The following PRH1 variants were observed in gnomAD, a reference collection of about 807,000 sequenced individuals.
PRH1 encodes the protein proline rich protein HaeIII subfamily 1, also known as salivary acidic proline-rich phosphoprotein 1/2.
PRH1 carries 7 observed loss-of-function variants against 7.9 expected under a neutral mutation model. The observed-to-expected ratio is 0.89, with a 90% CI of 0.50 to 1.67. The LOEUF (loss-of-function observed/expected upper bound fraction) is 1.67, where lower values mean the gene tolerates loss of function less well. Among genes scored for constraint, PRH1 ranks in the 40% most tolerant of loss-of-function variants. PRH1 has a pLI of 0.00. For missense variants in PRH1, 109 were observed against 223.6 expected (o/e 0.49, Z 3.27); for synonymous variants, 45 against 80.8 (o/e 0.56, Z 2.38).
chr12:10,965,820 A>G (rs759382117), intron 2 of PRH1, among the ~76,000 whole-genome samples: 23 of 152,258 alleles, frequency 1.5e-4, no homozygotes, highest in African/African-American at 4.8e-4. Flanking sequence ...GAGATTAGTT[A>G]TAACTAGGAT....
intron 1 of PRH1, among the ~76,000 whole-genome samples, chr12:11,066,228 T>G (rs1943805293): frequency 6.6e-6 from 1 of 152,166 alleles, no homozygotes; most frequent in East Asian, 1.9e-4. Flanking sequence ...ACTATAACTT[T>G]CGAACTCCAC....
chr12:10,984,369 T>C (rs972436974), intron 1 of PRH1, among the ~76,000 whole-genome samples: 4 of 152,174 alleles, frequency 2.6e-5, no homozygotes, highest in Admixed American at 2.0e-4. Context: ...ATACTTCTTC[T>C]TAGATAATTC....
rs541661646 is a variant in PRH1 at position 11,109,118 on chromosome 12, G to C, written n.124-61930C>G. ...CCACTGTAGCCAAACTGCCTCTCTA[G>C]ACTCTTCCTCTCTGGTCAGGGCATC... On this transcript the variant is annotated intron_variant and non_coding_transcript_variant, in intron 1 of 4. Coordinates refer to the PRH1 transcript ENST00000541977. Among the ~76,000 whole-genome samples the C allele has an allele frequency of 1.0e-3, 154 of 152,268 alleles. 1 individual carries two copies. The highest frequency in any genetic ancestry group is 3.6e-3 in the African/African-American group (150 of 41,556).
intron 1 of PRH1, among the ~76,000 whole-genome samples, chr12:10,883,835 G>C (rs1353923561): frequency 6.6e-6 from 1 of 152,124 alleles, no homozygotes; most frequent in African/African-American, 2.4e-5. Context: ...ATCAGTACAG[G>C]ATCTTCACAG....
intron 1 of PRH1, among the ~76,000 whole-genome samples, chr12:10,996,012 T>C (rs1349982693): frequency 6.6e-6 from 1 of 152,072 alleles, no homozygotes; most frequent in East Asian, 1.9e-4. Context: ...ACAATAATTG[T>C]ATTTGCTTTA....
intron 1 of PRH1, among the ~76,000 whole-genome samples, chr12:11,143,074 G>A (rs1479513803): frequency 6.6e-6 from 1 of 152,026 alleles, no homozygotes; most frequent in African/African-American, 2.4e-5. Context: ...TAAATGTGGT[G>A]TGTAAACCTC....
chr12:10,904,844 C>A lies in PRH1; in HGVS notation c.-58-20569G>T, dbSNP rs577691070. Among the ~76,000 whole-genome samples, 4 of 152,070 alleles carry A rather than the reference C, an allele frequency of 2.6e-5. No homozygotes were observed. In the South Asian group the frequency reaches 6.2e-4, roughly 24 times the overall value. Reference sequence around the variant, plus strand: ...AATTGAACAAGCAGAAAACAAATAACCCCTTTAAAAACGAGCAAAAGACAT... The same window carrying A: ...AATTGAACAAGCAGAAAACAAATAAACCCTTTAAAAACGAGCAAAAGACAT... On this transcript the variant is annotated intron_variant, in intron 2 of 3. Coordinates refer to the PRH1 transcript ENST00000539853.
At chr12:11,081,073 CA>C (rs200599730) in intron 1 of PRH1, among the ~76,000 whole-genome samples, 2,758 of 115,218 alleles carry the variant, frequency 0.024, 742 homozygotes, top group South Asian at 0.037. Flanking sequence ...CTCCTTGCAA[CA>C]TTTTGTTGCT....
intron 1 of PRH1, among the ~76,000 whole-genome samples, chr12:11,007,677 T>C (rs1287855676): frequency 1.3e-5 from 2 of 152,090 alleles, no homozygotes; most frequent in Non-Finnish European, 2.9e-5. Flanking sequence ...AATTAGTAAA[T>C]TTTGTATACG....
intron 1 of PRH1, among the ~76,000 whole-genome samples, chr12:11,043,628 G>C (rs1204819398): frequency 3.3e-5 from 5 of 151,864 alleles, no homozygotes; most frequent in African/African-American, 1.2e-4. Flanking sequence ...AAAATTAGTA[G>C]TATTTCTATA....
chr12:10,908,906 C>T, intron 2 of PRH1: 1 of 1,612,932 alleles, frequency 6.2e-7, no homozygotes, highest in Non-Finnish European at 8.5e-7. Context: ...GCAGTATCAT[C>T]AGAATCACTT....
chr12:11,079,982 A>AT (rs1325325267), intron 1 of PRH1, among the ~76,000 whole-genome samples: 1 of 137,750 alleles, frequency 7.3e-6, no homozygotes, highest in Admixed American at 7.4e-5. Flanking sequence ...AATGGAAAAC[A>AT]TAGCAATGTG....
At chr12:10,963,351 C>G (rs148735191) in intron 2 of PRH1, among the ~76,000 whole-genome samples, 1 of 152,138 alleles carries the variant, frequency 6.6e-6, no homozygotes, top group African/African-American at 2.4e-5. Flanking sequence ...TTCCTATCAT[C>G]AATACATAGA....
chr12:11,128,740 G>A (rs182248089), intron 1 of PRH1, among the ~76,000 whole-genome samples: 10 of 151,610 alleles, frequency 6.6e-5, no homozygotes, highest in Admixed American at 1.3e-4. Flanking sequence ...GCGAGACTCC[G>A]TATCAAAATA....
chr12:10,960,690 A>G (rs1001084623), intron 2 of PRH1, among the ~76,000 whole-genome samples: 2 of 152,220 alleles, frequency 1.3e-5, no homozygotes, highest in African/African-American at 4.8e-5. Flanking sequence ...TTTAATTGGT[A>G]TTCATAAGCA....
chr12:10,951,286 T>G (rs1402379022), intron 2 of PRH1, among the ~76,000 whole-genome samples: 3 of 152,292 alleles, frequency 2.0e-5, no homozygotes, highest in South Asian at 2.1e-4. Context: ...GCAACATCAC[T>G]TGCTATGGAA....
intron 1 of PRH1, among the ~76,000 whole-genome samples, chr12:11,005,566 C>G (rs1224177657): frequency 6.6e-6 from 1 of 152,078 alleles, no homozygotes; most frequent in Admixed American, 6.6e-5. Context: ...GGCCAATACT[C>G]TTTAAAATCT....
At position 11,169,991 on chromosome 12, in the gene PRH1, A is replaced by T. The variant is rs950505394; in HGVS notation, n.39+1431T>A. On this transcript the variant is annotated intron_variant and non_coding_transcript_variant, in intron 1 of 1. Coordinates refer to the PRH1 transcript ENST00000541175. The stretch of plus-strand genomic sequence containing the variant: ...AGGGTACCGTACTTGTGCTCTGAAT[A>T]GCTGCTAGACATGCAGTGCACGGTG... 8.5e-5 allele frequency among the ~76,000 whole-genome samples: 13 copies of T among 152,334 alleles called. 1 individual carries two copies. The Middle Eastern group carries it at 0.01, about 120-fold the overall frequency.
chr12:11,106,318 G>T (rs145127665), intron 1 of PRH1, among the ~76,000 whole-genome samples: 113 of 152,162 alleles, frequency 7.4e-4, no homozygotes, highest in Non-Finnish European at 1.3e-3. Flanking sequence ...ATGGATAGAA[G>T]AAATTGTTGT....
Sources: allele counts gnomAD v4.1 joint callset (sites outside exome capture counted in the v4.1 genomes callset), GRCh38; gene constraint gnomAD v4.1.1; transcripts MANE v1.5; gene names NCBI Gene and HGNC (gene_info 2026-07-23, HGNC 2026-07-21).